OPHN1: variants seen among roughly 807,000 people sequenced by gnomAD.
The protein encoded by OPHN1 is oligophrenin 1, also known as oligophrenin-1.
Under a neutral mutation model 60.7 loss-of-function variants are expected in OPHN1, and 11 were observed. The ratio of observed to expected loss-of-function variants is 0.18; its 90% CI spans 0.11 to 0.30. The LOEUF (loss-of-function observed/expected upper bound fraction) is 0.30, where lower values mean the gene tolerates loss of function less well. Ranked by LOEUF, OPHN1 falls within the 10% of genes least tolerant of loss-of-function variation. OPHN1 has a pLI of 1.00. For missense variants in OPHN1, 449 were observed against 611.0 expected (o/e 0.73, Z 2.80); for synonymous variants, 226 against 222.6 (o/e 1.02, Z -0.14).
chrX:68,407,233 T>A (rs755090737), intron 2 of OPHN1, among the ~76,000 whole-genome samples: 1 of 111,956 alleles, frequency 8.9e-6, no homozygotes, highest in South Asian at 3.7e-4. Context: ...AATACATACA[T>A]ACATAAAATA....
At chrX:68,174,823 C>A (rs944879986) in intron 15 of OPHN1, among the ~76,000 whole-genome samples, 1 of 110,483 alleles carries the variant, frequency 9.1e-6, no homozygotes, top group East Asian at 2.9e-4. Flanking sequence ...GTGGCTCACA[C>A]CTGTAATCCC....
At chrX:68,376,281 C>A (rs954078553) in intron 2 of OPHN1, among the ~76,000 whole-genome samples, 4 of 111,643 alleles carry the variant, frequency 3.6e-5, no homozygotes, top group Non-Finnish European at 7.5e-5. Flanking sequence ...ATCACTTGGA[C>A]AGCAGAAAGA....
intron 21 of OPHN1, among the ~76,000 whole-genome samples, chrX:68,057,480 G>A (rs1366779925): frequency 9.0e-6 from 1 of 111,470 alleles, no homozygotes; most frequent in Non-Finnish European, 1.9e-5. Context: ...GACTGTTAGA[G>A]CTGGAAAACA....
At chrX:68,132,784 T>A in intron 15 of OPHN1, 1 of 172,902 alleles carries the variant, frequency 5.8e-6, no homozygotes. Flanking sequence ...CAATAGGGCT[T>A]GGCTGGCGAG....
intron 17 of OPHN1, among the ~76,000 whole-genome samples, chrX:68,112,898 G>A (rs1349657058): frequency 8.9e-6 from 1 of 112,159 alleles, no homozygotes; most frequent in Non-Finnish European, 1.9e-5. Flanking sequence ...TCTGATGGAA[G>A]AGGCAATGAA....
chrX:68,366,786 C>T (rs976437978), intron 2 of OPHN1, among the ~76,000 whole-genome samples: 1 of 112,094 alleles, frequency 8.9e-6, no homozygotes, highest in Non-Finnish European at 1.9e-5. Flanking sequence ...AGATAACTAA[C>T]GTTTATTGAG....
intron 19 of OPHN1, among the ~76,000 whole-genome samples, chrX:68,090,986 G>A (rs950967732): frequency 6.3e-5 from 7 of 111,396 alleles, no homozygotes; most frequent in African/African-American, 2.3e-4. Flanking sequence ...AAAAAGGAAA[G>A]ACTGGAAATA....
chrX:68,056,346 T>A (rs2076872993), intron 21 of OPHN1, among the ~76,000 whole-genome samples: 1 of 111,689 alleles, frequency 9.0e-6, no homozygotes, highest in South Asian at 3.8e-4. Context: ...CATGTAAATG[T>A]TCGTGAAGTT....
chrX:68,192,116 A>T (rs1276281207), intron 15 of OPHN1, among the ~76,000 whole-genome samples: 1 of 111,950 alleles, frequency 8.9e-6, no homozygotes, highest in Non-Finnish European at 1.9e-5. Context: ...TAAACCAAGA[A>T]CAAAGATAGA....
At chrX:68,074,755 G>C (rs2076947563) in intron 19 of OPHN1, among the ~76,000 whole-genome samples, 2 of 110,221 alleles carry the variant, frequency 1.8e-5, no homozygotes, top group African/African-American at 6.6e-5. Context: ...TATTGATTTT[G>C]TTTGCTGTCT....
chrX:68,244,853 G>A (rs1321879152), intron 5 of OPHN1, among the ~76,000 whole-genome samples: 1 of 111,289 alleles, frequency 9.0e-6, no homozygotes, highest in Non-Finnish European at 1.9e-5. Flanking sequence ...GAATGAGCCT[G>A]AGCCTCAGAA....
intron 2 of OPHN1, among the ~76,000 whole-genome samples, chrX:68,425,408 A>C (rs2078848967): frequency 8.9e-6 from 1 of 112,304 alleles, no homozygotes; most frequent in Non-Finnish European, 1.9e-5. Context: ...TAAAACCAGA[A>C]AGAACCGTAA....
At chrX:68,107,298 C>A (rs1406406500) in intron 18 of OPHN1, among the ~76,000 whole-genome samples, 1 of 111,203 alleles carries the variant, frequency 9.0e-6, no homozygotes, top group African/African-American at 3.3e-5. Flanking sequence ...TAGAACAGTA[C>A]CTCTACCACT....
At position 68,411,814 on chromosome X, in the gene OPHN1, C is replaced by T. The variant is rs183906225; in HGVS notation, c.154+21053G>A. The stretch of plus-strand genomic sequence containing the variant: ...CAATTTTTTTGTTTTATTGCAATTG[C>T]TTTTGGTGTCTTTGTCATGAAATCT... On this transcript the variant is annotated intron_variant, in intron 2 of 24. Transcript: ENST00000355520. Among the ~76,000 whole-genome samples, 250 of 111,571 alleles carry T rather than the reference C, an allele frequency of 2.2e-3. 2 individuals carry two copies. The highest frequency in any genetic ancestry group is 7.7e-3 in the African/African-American group (238 of 30,748).
intron 2 of OPHN1, among the ~76,000 whole-genome samples, chrX:68,380,813 G>T (rs1429800026): frequency 1.8e-5 from 2 of 111,569 alleles, no homozygotes; most frequent in Non-Finnish European, 3.8e-5. Flanking sequence ...TATAATTTCT[G>T]TTCTTTTACA....
intron 19 of OPHN1, among the ~76,000 whole-genome samples, chrX:68,095,401 T>C (rs1275975777): frequency 3.6e-5 from 4 of 112,361 alleles, no homozygotes; most frequent in African/African-American, 6.5e-5. Context: ...GCTAAGTAGT[T>C]GTGACAGAAA....
intron 15 of OPHN1, among the ~76,000 whole-genome samples, chrX:68,181,727 T>C (rs1602217276): frequency 2.7e-5 from 3 of 110,398 alleles, no homozygotes; most frequent in Non-Finnish European, 3.8e-5. Flanking sequence ...ACTTGGGAGG[T>C]TGAGGCAGGA....
At chrX:68,139,590 A>G (rs2077234140) in intron 15 of OPHN1, among the ~76,000 whole-genome samples, 1 of 112,373 alleles carries the variant, frequency 8.9e-6, no homozygotes, top group Admixed American at 9.4e-5. Context: ...ACTGGTAACT[A>G]TGGTTGCTTC....
chrX:68,064,746 A>T (rs899550970), intron 20 of OPHN1, among the ~76,000 whole-genome samples: 1 of 111,729 alleles, frequency 9.0e-6, no homozygotes. Context: ...CCCTAATGAG[A>T]CCTAGGGACC....
Sources: gnomAD v4.1 joint callset for allele counts (sites outside exome capture counted in the v4.1 genomes callset) on GRCh38, gnomAD v4.1.1 for gene constraint, MANE v1.5 for transcripts, NCBI Gene and HGNC (gene_info 2026-07-23, HGNC 2026-07-21) for gene names.